MTRFR: variants seen among roughly 807,000 people sequenced by gnomAD.
MTRFR encodes mitochondrial translation release factor in rescue.
MTRFR carries 10 observed loss-of-function variants against 11.9 expected under a neutral mutation model. That is an observed-to-expected ratio of 0.84 (90% confidence interval 0.52 to 1.42). MTRFR has a LOEUF of 1.42. MTRFR is among the 40% of genes most tolerant of loss of function. MTRFR has a pLI of 0.00. For synonymous variants in MTRFR, 77 were observed against 79.1 expected, an observed-to-expected ratio of 0.97 and a Z score of 0.14; for missense variants, 196 against 197.9, an observed-to-expected ratio of 0.99 and a Z score of 0.06.
chr12:123,246,779 G>A (rs1391475840), intron 1 of MTRFR, among the ~76,000 whole-genome samples: 2 of 124,898 alleles, frequency 1.6e-5, no homozygotes, highest in Non-Finnish European at 3.1e-5. Flanking sequence ...CGCCCAGGCT[G>A]GAGTGCAGTG....
intron 1 of MTRFR, among the ~76,000 whole-genome samples, chr12:123,245,110 G>A (rs935314709): frequency 1.3e-4 from 20 of 151,348 alleles, no homozygotes; most frequent in African/African-American, 3.6e-4. Flanking sequence ...CACTGCGCCC[G>A]GCTAATTTTT....
chr12:123,245,903 T>C (rs2048032696), intron 1 of MTRFR, among the ~76,000 whole-genome samples: 1 of 152,174 alleles, frequency 6.6e-6, no homozygotes, highest in African/African-American at 2.4e-5. Context: ...TATTTCGTTA[T>C]CTTGTATGAT....
chr12:123,247,679 C>T (rs2048061593), intron 1 of MTRFR, among the ~76,000 whole-genome samples: 1 of 152,180 alleles, frequency 6.6e-6, no homozygotes, highest in African/African-American at 2.4e-5. Context: ...GGCACGGTGG[C>T]TCATGCCTGT....
At chr12:123,243,252 T>G (rs969430066) in intron 1 of MTRFR, among the ~76,000 whole-genome samples, 5 of 149,714 alleles carry the variant, frequency 3.3e-5, no homozygotes, top group Admixed American at 1.3e-4. Context: ...TTTTTTTGGC[T>G]GGGCGCAATG....
intron 1 of MTRFR, 111 bp downstream of exon 1, chr12:123,233,642 C>T (rs974958191): frequency 6.6e-5 from 10 of 152,246 alleles, no homozygotes; most frequent in Admixed American, 3.9e-4. Context: ...CTTGCGACCC[C>T]GAGTGGCGCA....
chr12:123,237,262 C>A (rs1232237662), intron 1 of MTRFR, among the ~76,000 whole-genome samples: 1 of 152,076 alleles, frequency 6.6e-6, no homozygotes, highest in Non-Finnish European at 1.5e-5. Context: ...AAACCCCCGC[C>A]TCTACTAAAA....
At chr12:123,237,655 A>G (rs1232165939) in intron 1 of MTRFR, among the ~76,000 whole-genome samples, 1 of 152,184 alleles carries the variant, frequency 6.6e-6, no homozygotes, top group Non-Finnish European at 1.5e-5. Context: ...TGTTTGAGAA[A>G]TAACTATCTG....
intron 1 of MTRFR, among the ~76,000 whole-genome samples, chr12:123,239,769 AT>A (rs986169238): frequency 9.9e-5 from 15 of 151,712 alleles, no homozygotes; most frequent in East Asian, 3.9e-4. Flanking sequence ...GACATTTTTT[AT>A]TTTTTTTTCC....
At chr12:123,251,805 G>A (rs951242826) in intron 1 of MTRFR, among the ~76,000 whole-genome samples, 3 of 152,182 alleles carry the variant, frequency 2.0e-5, no homozygotes, top group Admixed American at 2.0e-4. Flanking sequence ...GCAAGCCTCT[G>A]CATGCTGCTC....
chr12:123,234,305 C>G (rs2047795039), intron 1 of MTRFR, among the ~76,000 whole-genome samples: 1 of 152,040 alleles, frequency 6.6e-6, no homozygotes, highest in South Asian at 2.1e-4. Flanking sequence ...ATGGATCTGC[C>G]CTTGGAATAA....
At chr12:123,253,626 C>T (rs781146514) in intron 1 of MTRFR, 21 bp from the exon 2 acceptor site, 1 of 1,612,366 alleles carries the variant, frequency 6.2e-7, no homozygotes, top group Non-Finnish European at 8.5e-7. Context: ...ACTGAAAGCT[C>T]TCCTTATTCA....
At chr12:123,243,061 G>A (rs1330375706) in intron 1 of MTRFR, among the ~76,000 whole-genome samples, 1 of 152,164 alleles carries the variant, frequency 6.6e-6, no homozygotes, top group Non-Finnish European at 1.5e-5. Context: ...AGAGAGTTCA[G>A]AGAAAGTGCC....
intron 1 of MTRFR, among the ~76,000 whole-genome samples, chr12:123,239,402 G>GTTT (rs1410659171): frequency 1.2e-5 from 1 of 80,026 alleles, no homozygotes; most frequent in African/African-American, 2.6e-5. Flanking sequence ...CATTAGTTTT[G>GTTT]TTTTTTTGTT....
intron 1 of MTRFR, among the ~76,000 whole-genome samples, chr12:123,234,434 C>T (rs766128816): frequency 5.9e-5 from 9 of 152,026 alleles, no homozygotes; most frequent in Non-Finnish European, 1.2e-4. Context: ...CTCTCTCTGT[C>T]ACCCAGGCTG....
intron 1 of MTRFR, among the ~76,000 whole-genome samples, chr12:123,236,864 G>A (rs1360670627): frequency 6.6e-6 from 1 of 150,574 alleles, no homozygotes; most frequent in Non-Finnish European, 1.5e-5. Context: ...CGGGCGGATC[G>A]CCTGAGGTCA....
intron 1 of MTRFR, among the ~76,000 whole-genome samples, chr12:123,238,788 T>A (rs1016883377): frequency 8.5e-5 from 13 of 152,248 alleles, no homozygotes; most frequent in African/African-American, 2.6e-4. Flanking sequence ...GAAATCTTCA[T>A]TCCTAACCAT....
chr12:123,253,067 T>C (rs1484880391), intron 1 of MTRFR, among the ~76,000 whole-genome samples: 1 of 142,750 alleles, frequency 7.0e-6, no homozygotes, highest in Non-Finnish European at 1.5e-5. Context: ...TCCGTTCCTT[T>C]GAATTTTTTT....
chr12:123,245,239 C>T (rs564342368), intron 1 of MTRFR, among the ~76,000 whole-genome samples: 11 of 152,206 alleles, frequency 7.2e-5, no homozygotes, highest in South Asian at 4.1e-4. Flanking sequence ...CCTGGCCCTA[C>T]GTGCCTATTT....
rs1012509724 is a variant in MTRFR, at chr12:123,241,569, A to G, written c.-29+8038A>G. Among the ~76,000 whole-genome samples the G allele has an allele frequency of 5.9e-4, 90 of 152,084 alleles. 1 individual carries two copies. The highest frequency in any genetic ancestry group is 2.1e-3 in the African/African-American group (87 of 41,468). On this transcript the variant is annotated intron_variant, in intron 1 of 2. Coordinates refer to ENST00000253233, the MANE Select transcript of MTRFR (RefSeq NM_152269.5). ...TGGCCAGGATGGTCTCGAATTCCTG[A>G]CCTCAGGTGATCCACCTACTTCAGC... is the stretch of plus-strand genomic sequence containing the variant.
Sources: allele counts gnomAD v4.1 joint callset (sites outside exome capture counted in the v4.1 genomes callset), GRCh38; gene constraint gnomAD v4.1.1; transcripts MANE v1.5; gene names NCBI Gene and HGNC (gene_info 2026-07-23, HGNC 2026-07-21).